CROCC2: variants seen among roughly 807,000 people sequenced by gnomAD.
CROCC2 encodes ciliary rootlet coiled-coil protein 2.
Under a neutral mutation model 177.6 loss-of-function variants are expected in CROCC2, and 163 were observed. The ratio of observed to expected loss-of-function variants is 0.92; its 90% CI spans 0.81 to 1.05. CROCC2 has a LOEUF of 1.05. CROCC2 is among the 50% of genes least tolerant of loss of function. The pLI, the probability that CROCC2 is intolerant of heterozygous loss-of-function variation, is 0.00. For missense variants in CROCC2, 1,929 were observed against 1,797.8 expected (o/e 1.07, Z -1.32); for synonymous variants, 904 against 787.3 (o/e 1.15, Z -2.48).
At position 240,932,883 on chromosome 2, in the gene CROCC2, T is replaced by C. The variant is rs1205562639; in HGVS notation, c.1226T>C (p.Ile409Thr). The change falls in exon 9 of 32, where the codon ATA (isoleucine) becomes ACA (threonine). Residue 409 changes from isoleucine (I) to threonine (T), a missense_variant. Around this residue, in one of 3 missense-constraint regions of CROCC2, gnomAD observed 1,397 missense variants for 1,239.9 expected, o/e 1.13. Coordinates refer to ENST00000690015, the MANE Select transcript of CROCC2 (RefSeq NM_001351305.2). ...DPALQAMRAA[I>T]ERRWRREQEL... ...GCACTGCAGGCCATGCGGGCAGCCA[T>C]AGAGAGGCGGTGGCGGCGGGAACAG... is the stretch of plus-strand genomic sequence containing the variant. 3.2e-6 allele frequency: 5 copies of C among 1,547,738 alleles called. No individual in the cohort carries two copies. The highest frequency in any genetic ancestry group is 1.9e-4 in the Middle Eastern group (1 of 5,324).
chr2:240,935,302 C>T, intron 13 of CROCC2, 56 bp from the exon 14 acceptor site: 1 of 1,323,896 alleles, frequency 7.6e-7, no homozygotes, highest in Non-Finnish European at 9.7e-7. Flanking sequence ...GATGGCTGGC[C>T]TACAGGGACC....
Position 240,959,440 on chromosome 2 carries a change from GA to G in CROCC2, c.3084del (p.Glu1029ArgfsTer9). ...DLAAERGDVE[R>X]EAERLRAQLT... ...GCGGCTGAGCGGGGCGATGTGGAGA[GA>G]GAGGTGAGAGGCAGGGCTGGGGGGC... On this transcript the variant is annotated frameshift_variant, in exon 20 of 32. Transcript: ENST00000690015. LOFTEE classifies it high-confidence loss of function. 1 of 1,550,238 alleles carries G rather than the reference GA, an allele frequency of 6.5e-7. No individual in the cohort carries two copies. The highest frequency in any genetic ancestry group is 8.7e-7 in the Non-Finnish European group (1 of 1,146,762).
At chr2:240,987,169 G>C (rs1391304234) in intron 28 of CROCC2, among the ~76,000 whole-genome samples, 5 of 152,194 alleles carry the variant, frequency 3.3e-5, no homozygotes, top group Admixed American at 3.3e-4. Flanking sequence ...GAGGAGCAGG[G>C]GGCTTGCATC....
chr2:240,909,479 C>G (rs370565223), intron 1 of CROCC2, among the ~76,000 whole-genome samples: 1 of 152,240 alleles, frequency 6.6e-6, no homozygotes, highest in Non-Finnish European at 1.5e-5. Flanking sequence ...CAGCACACTA[C>G]GTTTGCAGGA....
chr2:240,938,318 C>T (rs1051094061), intron 14 of CROCC2, among the ~76,000 whole-genome samples: 4 of 152,140 alleles, frequency 2.6e-5, no homozygotes, highest in African/African-American at 9.7e-5. Flanking sequence ...TTTTCCAGCA[C>T]CATTTTTTTC....
At chr2:240,952,874 C>T (rs976838859) in intron 18 of CROCC2, among the ~76,000 whole-genome samples, 1 of 151,970 alleles carries the variant, frequency 6.6e-6, no homozygotes, top group African/African-American at 2.4e-5. Flanking sequence ...GAGAGCCAGG[C>T]AAAGGAGGAG....
In CROCC2 at chr2:240,919,723, G is replaced by T. The variant is rs62186585; in HGVS notation, c.230-260G>T. ...CTCTGCTGCCATTGGTTTGGGGCTC[G>T]GCCTGGGCCTGGGTCTGCATTGGGG... On this transcript the variant is annotated intron_variant, in intron 2 of 31. Transcript: ENST00000690015. Among the ~76,000 whole-genome samples, 591 of 146,856 alleles carry T rather than the reference G, an allele frequency of 4.0e-3. 7 individuals are homozygous for T. The highest frequency in any genetic ancestry group is 0.02 in the South Asian group (91 of 4,452).
Position 240,963,714 on chromosome 2 carries a change from G to A in CROCC2, c.3246G>A (p.Leu1082=). The part of the protein sequence containing the change: ...LSDEAREKDV[L]LLFNSELRAT... ...ACGAGGCCCGCGAGAAGGACGTACT[G>A]TTGCTTTTCAACAGCGAGCTGCGGG... The change falls in exon 21 of 32, where the codon CTG becomes CTA. Residue 1082 remains leucine, a synonymous_variant. Coordinates refer to ENST00000690015, the MANE Select transcript of CROCC2 (RefSeq NM_001351305.2). 2 of 1,550,334 alleles carry A rather than the reference G, an allele frequency of 1.3e-6. No homozygotes were observed. The highest frequency in any genetic ancestry group is 1.7e-6 in the Non-Finnish European group (2 of 1,146,830).
intron 8 of CROCC2, 94 bp from the exon 9 acceptor site, chr2:240,932,608 C>A: frequency 2.8e-6 from 2 of 705,280 alleles, no homozygotes; most frequent in Admixed American, 4.1e-5. Context: ...GTGGAGGTAG[C>A]CCGCAGGGAC....
At chr2:240,992,279 G>A (rs755851687) in intron 31 of CROCC2, among the ~76,000 whole-genome samples, 1 of 152,174 alleles carries the variant, frequency 6.6e-6, no homozygotes, top group Non-Finnish European at 1.5e-5. Flanking sequence ...ATCCCTGCAT[G>A]TGCCACAGGG....
intron 27 of CROCC2, among the ~76,000 whole-genome samples, chr2:240,975,033 T>C (rs556404957): frequency 6.6e-6 from 1 of 152,304 alleles, no homozygotes; most frequent in Non-Finnish European, 1.5e-5. Flanking sequence ...TTGTCAGTTG[T>C]TTATTGGTCG....
chr2:240,932,206 A>G, intron 7 of CROCC2, 112 bp from the exon 8 acceptor site: 1 of 624,930 alleles, frequency 1.6e-6, no homozygotes, highest in Non-Finnish European at 3.0e-6. Flanking sequence ...GGCATCACCC[A>G]GCACCGGCAG....
rs1416181393 is a variant in CROCC2 at position 240,993,099 on chromosome 2, A to C, written c.*18A>C. 8.4e-6 allele frequency: 6 copies of C among 716,130 alleles called. No homozygotes were observed. Among genetic ancestry groups the C allele is most frequent in the Non-Finnish European group, 1.6e-5 (6 of 384,334 alleles). 44.4% of individuals were successfully genotyped at this position (716,130 alleles called of 1,614,324 possible). A position where few individuals can be genotyped will look rare whatever the true frequency, so the allele number is the denominator to read the frequency against. ...GGGACTGAAGCTCCCAGCACAGGGG[A>C]GGCGCCCAGCGTGGCTGCAGAGGAA... On this transcript the variant is annotated 3_prime_UTR_variant, in exon 32 of 32. Transcript: ENST00000690015.
Position 240,966,242 on chromosome 2 carries a change from GCTCTC to G in CROCC2, c.3981_3985del (p.Leu1328TrpfsTer55). ...TCCCGCAGGCTCCGACAGCTCCCAG[GCTCTC>G]CCTGGGCAACAGGGTACCAGCCCCC... On this transcript the variant is annotated frameshift_variant, in exon 25 of 32. Transcript: ENST00000690015. LOFTEE classifies it high-confidence loss of function. 1.1e-5 allele frequency: 8 copies of G among 752,788 alleles called. No individual in the cohort carries two copies. Among genetic ancestry groups the G allele is most frequent in the Non-Finnish European group, 1.5e-5 (8 of 547,396 alleles). The allele number at this position is 752,788 out of a possible 1,614,324, so 46.6% of individuals were successfully genotyped here.
chr2:240,963,405 TGGTGGCTCCATGG>T (rs2106478890), intron 20 of CROCC2, 138 bp from the exon 21 acceptor site: 1 of 757,622 alleles, frequency 1.3e-6, no homozygotes, highest in African/African-American at 1.8e-5. Flanking sequence ...CACTAGGGAT[TGGTGGCTCCATGG>T]GGTGAGCAAA....
In CROCC2 at chr2:240,960,712, C is replaced by T. The variant is rs550593554; in HGVS notation, c.3087+1268C>T. On this transcript the variant is annotated intron_variant, in intron 20 of 31. Coordinates refer to ENST00000690015, the MANE Select transcript of CROCC2 (RefSeq NM_001351305.2). The surrounding 1 kb of genome is among the most constrained non-coding windows in gnomAD (Gnocchi z 5.0). ...ACCACGCCCCAGAGGCCGGGCCGGC[C>T]GGCAGGGGAGAGTGAGAAGAGGGGC... is the stretch of plus-strand genomic sequence containing the variant. Among the ~76,000 whole-genome samples the T allele has an allele frequency of 3.4e-4, 51 of 152,174 alleles. No homozygotes were observed. The highest frequency in any genetic ancestry group is 3.4e-3 in the Middle Eastern group (1 of 294).
At chr2:240,967,665 C>T in intron 26 of CROCC2, 200 bp downstream of exon 26, 1 of 805,710 alleles carries the variant, frequency 1.2e-6, no homozygotes. Flanking sequence ...GCGACTTCCC[C>T]AGCACAGAGG....
rs1247074861 is a variant in CROCC2 at position 240,960,338 on chromosome 2, C to A, written c.3087+894C>A. On this transcript the variant is annotated intron_variant, in intron 20 of 31. Transcript: ENST00000690015. The surrounding 1 kb of genome is among the most constrained non-coding windows in gnomAD (Gnocchi z 5.0). ...GTGGAGATTTCGGGGTGTGCCTGGGCCTGGCCAAGGGCCCGAGGTTGACAC... is the reference window on the plus strand; with the variant it reads ...GTGGAGATTTCGGGGTGTGCCTGGGACTGGCCAAGGGCCCGAGGTTGACAC... Among the ~76,000 whole-genome samples the A allele has an allele frequency of 6.6e-6, 1 of 151,854 alleles. No homozygotes were observed. Among genetic ancestry groups the A allele is most frequent in the Non-Finnish European group, 1.5e-5 (1 of 67,922 alleles).
chr2:240,915,045 G>A (rs1231114217), intron 1 of CROCC2, among the ~76,000 whole-genome samples: 5 of 152,300 alleles, frequency 3.3e-5, no homozygotes, highest in Admixed American at 1.3e-4. Context: ...CCCTGCAGGC[G>A]GAAGCCTTTT....
Sources: gnomAD v4.1 joint callset for allele counts (sites outside exome capture counted in the v4.1 genomes callset) on GRCh38, gnomAD v4.1.1 for gene constraint, gnomAD v4.1.1 regional missense constraint, Gnocchi (gnomAD v3.1) non-coding constraint, MANE v1.5 for transcripts, NCBI Gene and HGNC (gene_info 2026-07-23, HGNC 2026-07-21) for gene names.